ZNF35: variants seen among roughly 807,000 people sequenced by gnomAD.
ZNF35 encodes zinc finger protein 35, also known as zinc finger protein 35 (clone HF.10).
Under a neutral mutation model 45.9 loss-of-function variants are expected in ZNF35, and 31 were observed. The observed-to-expected ratio is 0.68, with a 90% CI of 0.51 to 0.91. The LOEUF (loss-of-function observed/expected upper bound fraction) is 0.91. Ranked by LOEUF, ZNF35 falls within the 40% of genes least tolerant of loss-of-function variation. The pLI, the probability that ZNF35 is intolerant of heterozygous loss-of-function variation, is 0.00. For missense variants in ZNF35, 515 were observed against 625.4 expected, an observed-to-expected ratio of 0.82 and a Z score of 1.88; for synonymous variants, 205 against 220.2, an observed-to-expected ratio of 0.93 and a Z score of 0.61.
At chr3:44,646,758 C>T (rs1702981316), upstream of ZNF35, 4 of 472,284 alleles carry the variant, frequency 8.5e-6, no homozygotes, top group Admixed American at 1.5e-4. Context: ...AAAGATAATA[C>T]TAGAGAGCCG....
chr3:44,655,703 G>A (rs1036874272), intron 3 of ZNF35, among the ~76,000 whole-genome samples: 5 of 152,148 alleles, frequency 3.3e-5, no homozygotes, highest in African/African-American at 4.8e-5. Flanking sequence ...TTAGGCACTT[G>A]CCAAGACCCC....
chr3:44,646,710 T>G, upstream of ZNF35: 1 of 555,770 alleles, frequency 1.8e-6, no homozygotes, highest in East Asian at 2.9e-5. Context: ...AATTTCGATA[T>G]GAAAGGTATA....
chr3:44,659,195 T>C lies in ZNF35; in HGVS notation c.832T>C (p.Tyr278His). ...HQRIHTGQKP[Y>H]VCSKCGKAFT... ...GAGAATCCACACTGGACAGAAACCT[T>C]ATGTTTGCTCAAAATGTGGGAAAGC... Residue 278 changes from tyrosine to histidine, a missense_variant, in exon 4 of 4, where the codon TAT becomes CAT. Tyr to His is a moderately conservative substitution (Grantham distance 83, BLOSUM62 2). Transcript: ENST00000396056. The surrounding 1 kb of genome is among the most constrained non-coding windows in gnomAD (Gnocchi z 4.3). 1 of 1,614,144 alleles carries C rather than the reference T, an allele frequency of 6.2e-7. No homozygotes were observed. The highest frequency in any genetic ancestry group is 8.5e-7 in the Non-Finnish European group (1 of 1,180,030).
rs1469596497 is a variant in ZNF35, at chr3:44,652,671, C to T, written c.307C>T (p.Leu103=). 6.2e-7 allele frequency: 1 copy of T among 1,608,694 alleles called. No individual in the cohort carries two copies. The highest frequency in any genetic ancestry group is 8.5e-7 in the Non-Finnish European group (1 of 1,177,784). Residue 103 remains leucine (L), a synonymous_variant, in exon 3 of 4, where the codon CTG becomes TTG. Coordinates refer to ENST00000396056, the MANE Select transcript of ZNF35 (RefSeq NM_003420.4). Reference sequence around the variant, plus strand: ...AGGGACTCTGGCCAAGAGTGAGATACTGGAGACTCATGGGACCATGAACTT... The same window carrying T: ...AGGGACTCTGGCCAAGAGTGAGATATTGGAGACTCATGGGACCATGAACTT... ...LPGTLAKSEI[L]ETHGTMNFLG...
chr3:44,646,810 A>C, upstream of ZNF35: 1 of 347,050 alleles, frequency 2.9e-6, no homozygotes, highest in Non-Finnish European at 5.3e-6. Flanking sequence ...TAAATGGCCA[A>C]TTGATTTTTG....
rs1394514086 is a variant in ZNF35, at chr3:44,659,605, A to T, written c.1242A>T (p.Ala414=). 3 of 1,613,996 alleles carry T rather than the reference A, an allele frequency of 1.9e-6. No homozygotes were observed. The highest frequency in any genetic ancestry group is 2.5e-6 in the Non-Finnish European group (3 of 1,180,020). The change falls in exon 4 of 4, where the codon GCA becomes GCT. Residue 414 remains alanine, a synonymous_variant. Transcript: ENST00000396056. The surrounding 1 kb of genome is among the most constrained non-coding windows in gnomAD (Gnocchi z 4.3). Reference sequence around the variant, plus strand: ...TTGTGCACCAGAGAATTCACACTGCAGAGAAACCTTACGACTGCAGCGAAT... The same window carrying T: ...TTGTGCACCAGAGAATTCACACTGCTGAGAAACCTTACGACTGCAGCGAAT... The part of the protein sequence containing the change: ...HLIVHQRIHT[A]EKPYDCSECG...
chr3:44,652,897 C>T (rs1056998807), intron 3 of ZNF35, among the ~76,000 whole-genome samples, 196 bp downstream of exon 3: 8 of 152,148 alleles, frequency 5.3e-5, no homozygotes, highest in Admixed American at 5.2e-4. Context: ...CACACAGGCT[C>T]AAGACACTAG....
intron 2 of ZNF35, 97 bp from the exon 3 acceptor site, chr3:44,652,460 C>A: frequency 7.9e-7 from 1 of 1,271,280 alleles, no homozygotes; most frequent in Non-Finnish European, 1.0e-6. Context: ...GTTCTATGGC[C>A]TCCAGGAATA....
chr3:44,648,258 A>C (rs1703072975), upstream of ZNF35: 1 of 152,078 alleles, frequency 6.6e-6, no homozygotes, highest in Non-Finnish European at 1.5e-5. Flanking sequence ...AATATTCTTA[A>C]TCTTAAGGGA....
chr3:44,650,790 C>T (rs1703187325), intron 1 of ZNF35, among the ~76,000 whole-genome samples, 151 bp from the exon 2 acceptor site: 1 of 152,220 alleles, frequency 6.6e-6, no homozygotes, highest in African/African-American at 2.4e-5. Context: ...CCAACCCCTT[C>T]ATCCTATGAG....
intron 3 of ZNF35, among the ~76,000 whole-genome samples, chr3:44,657,986 A>G (rs1372409192): frequency 6.6e-6 from 1 of 152,114 alleles, no homozygotes; most frequent in East Asian, 1.9e-4. Flanking sequence ...CCTGTTTTAG[A>G]GATTGGGAAA....
At chr3:44,648,449 A>G (rs538397836), upstream of ZNF35, 101 of 152,374 alleles carry the variant, frequency 6.6e-4, no homozygotes, top group African/African-American at 2.2e-3. Flanking sequence ...TATTTTCAAA[A>G]TAAAACATTT....
intron 3 of ZNF35, 132 bp from the exon 4 acceptor site, chr3:44,658,569 G>C: frequency 7.5e-6 from 7 of 936,540 alleles, no homozygotes; most frequent in Non-Finnish European, 9.6e-6. Flanking sequence ...AACATGTGAT[G>C]GGATTCTCTT....
At chr3:44,655,327 A>AC (rs1703280062) in intron 3 of ZNF35, among the ~76,000 whole-genome samples, 1 of 152,120 alleles carries the variant, frequency 6.6e-6, no homozygotes, top group Non-Finnish European at 1.5e-5. Context: ...AATTGGACTT[A>AC]TAAATTTAGT....
intron 3 of ZNF35, 129 bp downstream of exon 3, chr3:44,652,830 C>G: frequency 2.0e-6 from 2 of 999,418 alleles, no homozygotes; most frequent in Non-Finnish European, 2.7e-6. Flanking sequence ...TCCAGGAAAG[C>G]TGGAAAGAGG....
At chr3:44,654,932 G>A (rs189868886) in intron 3 of ZNF35, among the ~76,000 whole-genome samples, 2,885 of 152,162 alleles carry the variant, frequency 0.019, 33 homozygotes, top group Non-Finnish European at 0.028. Flanking sequence ...TCAGGAGTTC[G>A]AGACCAGCCT....
chr3:44,659,263 C>T lies in ZNF35; in HGVS notation c.900C>T (p.His300=). ...ATCTGACTGTACATCAAAAAATCCA[C>T]TCCTTAGAAAAAACTTTTAAGTGCA... ...SSNLTVHQKI[H]SLEKTFKCNE... is the part of the protein sequence containing the mutation. The change falls in exon 4 of 4, where the codon CAC becomes CAT. Residue 300 remains histidine (H), a synonymous_variant. Coordinates refer to ENST00000396056, the MANE Select transcript of ZNF35 (RefSeq NM_003420.4). The surrounding 1 kb of genome is among the most constrained non-coding windows in gnomAD (Gnocchi z 4.3). 6.2e-7 allele frequency: 1 copy of T among 1,613,690 alleles called. No individual in the cohort carries two copies. Among genetic ancestry groups the T allele is most frequent in the Non-Finnish European group, 8.5e-7 (1 of 1,179,878 alleles).
Position 44,651,089 on chromosome 3 carries a change from G to A in ZNF35, c.22G>A (p.Ala8Thr). 6.2e-7 allele frequency: 1 copy of A among 1,614,010 alleles called. No homozygotes were observed. The highest frequency in any genetic ancestry group is 8.5e-7 in the Non-Finnish European group (1 of 1,180,018). Residue 8 changes from alanine to threonine, a missense_variant, in exon 2 of 4, where the codon GCC becomes ACC. Coordinates refer to ENST00000396056, the MANE Select transcript of ZNF35 (RefSeq NM_003420.4). ...GAAGATGACTGCAGAATTGAGAGAA[G>A]CCATGGCCCTAGCCCCATGGGGCCC... MTAELRE[A>T]MALAPWGPVK...
At chr3:44,652,056 T>C (rs1703213327) in intron 2 of ZNF35, among the ~76,000 whole-genome samples, 1 of 152,150 alleles carries the variant, frequency 6.6e-6, no homozygotes, top group African/African-American at 2.4e-5. Context: ...TTTGTTTGTT[T>C]TGCAAGCTTC....
Sources: gnomAD v4.1 joint callset for allele counts (sites outside exome capture counted in the v4.1 genomes callset) on GRCh38, gnomAD v4.1.1 for gene constraint, Gnocchi (gnomAD v3.1) non-coding constraint, MANE v1.5 for transcripts, NCBI Gene and HGNC (gene_info 2026-07-23, HGNC 2026-07-21) for gene names.